TTYH2: variants seen among roughly 807,000 people sequenced by gnomAD.
The protein encoded by TTYH2 is protein tweety homolog 2.
Under a neutral mutation model 68.3 loss-of-function variants are expected in TTYH2, and 49 were observed. That is an observed-to-expected ratio of 0.72 (90% CI 0.57 to 0.91). The LOEUF (loss-of-function observed/expected upper bound fraction) is 0.91. Ranked by LOEUF, TTYH2 falls within the 40% of genes least tolerant of loss-of-function variation. The probability of loss-of-function intolerance (pLI) is 0.00; values close to 1 mark genes in which losing one functional copy is unlikely to be tolerated. For missense variants in TTYH2, 631 were observed against 700.4 expected, an observed-to-expected ratio of 0.90 and a Z score of 1.12; for synonymous variants, 272 against 300.8, an observed-to-expected ratio of 0.90 and a Z score of 0.99.
At chr17:74,230,686 G>A (rs2050379214) in intron 2 of TTYH2, among the ~76,000 whole-genome samples, 1 of 151,526 alleles carries the variant, frequency 6.6e-6, no homozygotes, top group African/African-American at 2.4e-5. Flanking sequence ...TGTCACCCAG[G>A]AGGGAGTGCA....
At chr17:74,217,000 A>G (rs943940172) in intron 1 of TTYH2, among the ~76,000 whole-genome samples, 7 of 152,208 alleles carry the variant, frequency 4.6e-5, no homozygotes, top group African/African-American at 7.2e-5. Context: ...TCCACTGGGC[A>G]GTGTTGGGGA....
At chr17:74,249,810 TG>T in intron 8 of TTYH2, 125 bp from the exon 9 acceptor site, 6 of 735,564 alleles carry the variant, frequency 8.2e-6, no homozygotes, top group East Asian at 5.1e-5. Context: ...TGCAGCCAGG[TG>T]GGGGGGTGGG....
intron 2 of TTYH2, among the ~76,000 whole-genome samples, chr17:74,227,902 C>A (rs1401626864): frequency 6.6e-6 from 1 of 151,640 alleles, no homozygotes; most frequent in Non-Finnish European, 1.5e-5. Flanking sequence ...ATTCTGTTCC[C>A]GTGGTCTGAG....
chr17:74,249,607 G>A (rs2050597744), intron 8 of TTYH2, among the ~76,000 whole-genome samples: 1 of 152,216 alleles, frequency 6.6e-6, no homozygotes, highest in Non-Finnish European at 1.5e-5. Context: ...GCGGGAGCTA[G>A]TTCCCATGCA....
intron 12 of TTYH2, 134 bp downstream of exon 12, chr17:74,253,400 G>T: frequency 9.0e-7 from 1 of 1,108,170 alleles, no homozygotes. Flanking sequence ...AGGGTGCCTG[G>T]AGGGAAGGCC....
chr17:74,218,024 G>A (rs925618705), intron 1 of TTYH2, among the ~76,000 whole-genome samples: 2 of 152,054 alleles, frequency 1.3e-5, no homozygotes, highest in African/African-American at 4.8e-5. Flanking sequence ...TGAGCAGGGG[G>A]GCCTGGAAGC....
chr17:74,249,264 G>A, intron 7 of TTYH2, 80 bp from the exon 8 acceptor site: 1 of 1,596,010 alleles, frequency 6.3e-7, no homozygotes, highest in Admixed American at 1.7e-5. Context: ...GGGGAGGGAG[G>A]TCTGGCTTGG....
intron 2 of TTYH2, among the ~76,000 whole-genome samples, chr17:74,229,097 A>G (rs971071336): frequency 2.6e-5 from 4 of 152,176 alleles, no homozygotes; most frequent in African/African-American, 4.8e-5. Context: ...GGAACATTCT[A>G]TAAGTTGGGA....
intron 2 of TTYH2, among the ~76,000 whole-genome samples, chr17:74,228,900 C>T (rs2050359200): frequency 6.6e-6 from 1 of 152,148 alleles, no homozygotes; most frequent in Non-Finnish European, 1.5e-5. Flanking sequence ...GGTCTGAAAC[C>T]TTAGTCCCAA....
chr17:74,253,212 C>T lies in TTYH2; in HGVS notation c.1391C>T (p.Thr464Ile). Residue 464 changes from threonine (T) to isoleucine (I), a missense_variant, in exon 12 of 14, where the codon ACC becomes ATC. Coordinates refer to ENST00000269346, the MANE Select transcript of TTYH2 (RefSeq NM_032646.6). ...CSYSSGLGSQ[T>I]SLQPPAQTIS... ...TACAGCAGTGGCCTGGGAAGTCAGA[C>T]CAGCCTGCAGCCCCCGGCCCAGACC... The T allele has an allele frequency of 6.2e-7, 1 of 1,613,518 alleles. No homozygotes were observed. The highest frequency in any genetic ancestry group is 8.5e-7 in the Non-Finnish European group (1 of 1,179,802).
chr17:74,215,137 A>T lies in TTYH2; in HGVS notation c.129+1421A>T, dbSNP rs892375894. ...GGAATCTTCCTCTCCCAGAGAATGC[A>T]TGAAAAGAGGCGGATATGATTTCAG... On this transcript the variant is annotated intron_variant, in intron 1 of 13. Transcript: ENST00000269346. This position sits in a 1 kb window ranked among gnomAD's most constrained non-coding sequence, Gnocchi z 4.3. Among the ~76,000 whole-genome samples the T allele has an allele frequency of 6.6e-6, 1 of 151,576 alleles. No homozygotes were observed. Among genetic ancestry groups the T allele is most frequent in the African/African-American group, 2.4e-5 (1 of 41,100 alleles).
At chr17:74,236,712 T>A (rs1316145208) in intron 3 of TTYH2, among the ~76,000 whole-genome samples, 1 of 152,100 alleles carries the variant, frequency 6.6e-6, no homozygotes, top group African/African-American at 2.4e-5. Flanking sequence ...CAGCATTCTC[T>A]CTCTCGGAGC....
At position 74,261,755 on chromosome 17, in the gene TTYH2, C is replaced by G. The variant is rs982913931; in HGVS notation, c.*1546C>G. On this transcript the variant is annotated 3_prime_UTR_variant, in exon 14 of 14. Transcript: ENST00000269346. ...CAACAGAATGGGGCCACAGGGCAGC[C>G]GGGACTCCCTGTCTCACCTACATTA... 1 of 152,266 alleles carries G rather than the reference C, an allele frequency of 6.6e-6. No homozygotes were observed. Among genetic ancestry groups the G allele is most frequent in the South Asian group, 2.1e-4 (1 of 4,828 alleles). The allele number at this position is 152,266 out of a possible 1,614,324, so 9.4% of individuals were successfully genotyped here.
intron 2 of TTYH2, among the ~76,000 whole-genome samples, chr17:74,226,792 G>C (rs1186901126): frequency 1.3e-5 from 2 of 152,090 alleles, no homozygotes; most frequent in Non-Finnish European, 2.9e-5. Context: ...ATTTGGGAAA[G>C]AGTAGTGTGA....
rs535807682 is a variant in TTYH2, at chr17:74,232,070, G to C, written c.414+1071G>C. 6.6e-6 allele frequency among the ~76,000 whole-genome samples: 1 copy of C among 152,096 alleles called. No individual in the cohort carries two copies. The highest frequency in any genetic ancestry group is 1.5e-5 in the Non-Finnish European group (1 of 68,008). ...CAGTTTGACCTTGGCCCCCACACACGTCATTCTCACTCTAAGCACCAGACC... is the reference window on the plus strand; with the variant it reads ...CAGTTTGACCTTGGCCCCCACACACCTCATTCTCACTCTAAGCACCAGACC... On this transcript the variant is annotated intron_variant, in intron 3 of 13. Transcript: ENST00000269346. This position sits in a 1 kb window ranked among gnomAD's most constrained non-coding sequence, Gnocchi z 5.1.
At position 74,260,562 on chromosome 17, in the gene TTYH2, A is replaced by G. The variant is rs1248826892; in HGVS notation, c.*353A>G. ...GGGGCCAGGTCAGGCACCACCATCA[A>G]GAGAGCTGTGTGTTCTCTCTGGTCC... On this transcript the variant is annotated 3_prime_UTR_variant, in exon 14 of 14. Coordinates refer to ENST00000269346, the MANE Select transcript of TTYH2 (RefSeq NM_032646.6). 3.1e-6 allele frequency: 1 copy of G among 324,050 alleles called. No homozygotes were observed. Among genetic ancestry groups the G allele is most frequent in the Non-Finnish European group, 6.0e-6 (1 of 166,234 alleles). 20.1% of individuals were successfully genotyped at this position (324,050 alleles called of 1,614,324 possible).
intron 1 of TTYH2, among the ~76,000 whole-genome samples, chr17:74,216,326 T>TG (rs892031947): frequency 1.2e-4 from 18 of 151,594 alleles, no homozygotes; most frequent in Non-Finnish European, 1.9e-4. Flanking sequence ...GTGTGGGGTG[T>TG]GGGGGGTGGG....
chr17:74,248,420 G>A (rs751942406), intron 6 of TTYH2: 73 of 986,456 alleles, frequency 7.4e-5, no homozygotes, highest in Non-Finnish European at 8.4e-5. Context: ...AGTGGCAGCC[G>A]CCTCTCAGCT....
At position 74,249,137 on chromosome 17, in the gene TTYH2, C is replaced by T. The variant is rs541152053; in HGVS notation, c.874+57C>T. The T allele has an allele frequency of 5.6e-6, 9 of 1,607,160 alleles. No homozygotes were observed. The African/African-American group carries it at 1.2e-4, about 21-fold the overall frequency. Reference sequence around the variant, plus strand: ...ATGCATAGGTGGCCGGACTCTGTGCCCCTACTTACCTCTTTCAGCCCTGTA... The same window carrying T: ...ATGCATAGGTGGCCGGACTCTGTGCTCCTACTTACCTCTTTCAGCCCTGTA... On this transcript the variant is annotated intron_variant, in intron 7 of 13. Transcript: ENST00000269346.
Sources: gnomAD v4.1 joint callset for allele counts (sites outside exome capture counted in the v4.1 genomes callset) on GRCh38, gnomAD v4.1.1 for gene constraint, Gnocchi (gnomAD v3.1) non-coding constraint, MANE v1.5 for transcripts, NCBI Gene and HGNC (gene_info 2026-07-23, HGNC 2026-07-21) for gene names.